Variants in PARP11 observed in about 807,000 individuals in gnomAD.
PARP11 encodes the protein protein mono-ADP-ribosyltransferase PARP11.
In PARP11, 31 loss-of-function variants were observed where a neutral mutation model predicts 42.9. That is an observed-to-expected ratio of 0.72 (90% CI 0.54 to 0.98). The LOEUF (loss-of-function observed/expected upper bound fraction) is 0.98. PARP11 is among the 50% of genes least tolerant of loss of function. The pLI, the probability that PARP11 is intolerant of heterozygous loss-of-function variation, is 0.00. For missense variants in PARP11, 365 were observed against 413.1 expected, an observed-to-expected ratio of 0.88 and a Z score of 1.01; for synonymous variants, 137 against 127.3, an observed-to-expected ratio of 1.08 and a Z score of -0.51.
chr12:3,857,957 G>A (rs1254905049), intron 1 of PARP11, among the ~76,000 whole-genome samples: 1 of 152,196 alleles, frequency 6.6e-6, no homozygotes, highest in Non-Finnish European at 1.5e-5. Context: ...TAAGGGTGTA[G>A]AAAGTTTTCA....
chr12:3,824,956 C>T (rs1278963160), intron 4 of PARP11, among the ~76,000 whole-genome samples: 8 of 152,086 alleles, frequency 5.3e-5, no homozygotes, highest in African/African-American at 1.9e-4. Context: ...ACTTTTATAT[C>T]GTGATGCTAA....
At chr12:3,836,676 C>A (rs1025874558) in intron 1 of PARP11, among the ~76,000 whole-genome samples, 53 of 152,284 alleles carry the variant, frequency 3.5e-4, no homozygotes, top group African/African-American at 1.3e-3. Flanking sequence ...TTGCTCCCTG[C>A]CCCCACAGAA....
intron 1 of PARP11, among the ~76,000 whole-genome samples, chr12:3,834,634 C>CAA (rs567817866): frequency 0.038 from 2,611 of 69,274 alleles, 80 homozygotes; most frequent in East Asian, 0.2. Context: ...CACTCCATCT[C>CAA]AAAAAAAAAA....
rs116883954 is a variant in PARP11 at position 3,850,808 on chromosome 12, A to G, written c.19-20790T>C. Reference sequence around the variant, plus strand: ...GTTATAGCAACTGGACAGCAATGTTAAGTCTGAAATATCTTACAGAAGAGT... The same window carrying G: ...GTTATAGCAACTGGACAGCAATGTTGAGTCTGAAATATCTTACAGAAGAGT... On this transcript the variant is annotated intron_variant, in intron 1 of 7. Transcript: ENST00000228820. Among the ~76,000 whole-genome samples, 690 of 152,356 alleles carry G rather than the reference A, an allele frequency of 4.5e-3. 4 individuals are homozygous for G. The highest frequency in any genetic ancestry group is 7.6e-3 in the Admixed American group (116 of 15,302).
At position 3,809,922 on chromosome 12, in the gene PARP11, G is replaced by A. The variant is rs1355480091; in HGVS notation, c.*2201C>T. The A allele has an allele frequency of 6.6e-6, 1 of 152,166 alleles. No homozygotes were observed. The highest frequency in any genetic ancestry group is 1.5e-5 in the Non-Finnish European group (1 of 68,038). 9.4% of individuals were successfully genotyped at this position (152,166 alleles called of 1,614,324 possible). On this transcript the variant is annotated 3_prime_UTR_variant, in exon 8 of 8. Transcript: ENST00000228820. ...CAGCTGGGGTGCATACCTGAGCCAG[G>A]AAATCTTTGTTGCCACTTTGTTTCA...
intron 1 of PARP11, among the ~76,000 whole-genome samples, chr12:3,835,658 T>C (rs7313046): frequency 0.18 from 27,919 of 152,038 alleles, 3,332 homozygotes; most frequent in East Asian, 0.51. Context: ...ATGATGACAA[T>C]GTCTCATCAA....
chr12:3,847,159 G>GT (rs1319284418), intron 1 of PARP11, among the ~76,000 whole-genome samples: 1 of 152,094 alleles, frequency 6.6e-6, no homozygotes, highest in African/African-American at 2.4e-5. Context: ...CCAACAATAA[G>GT]TAACAAGATT....
rs186370009 is a variant in PARP11, at chr12:3,840,419, C to T, written c.19-10401G>A. On this transcript the variant is annotated intron_variant, in intron 1 of 7. Transcript: ENST00000228820. The surrounding 1 kb of genome is among the most constrained non-coding windows in gnomAD (Gnocchi z 4.4). ...AATCCAAGCAAGCCAATAAAAGCCC[C>T]ATTAGCACTACCTCCTCGACTGCAG... 113 of 1,613,216 alleles carry T rather than the reference C, an allele frequency of 7.0e-5. 1 individual carries two copies. In the African/African-American group the frequency reaches 1.4e-3, roughly 19 times the overall value.
rs1164035245 is a variant in PARP11 at position 3,840,608 on chromosome 12, C to CT, written c.19-10591dup. 1.3e-5 allele frequency: 17 copies of CT among 1,304,672 alleles called. No homozygotes were observed. The African/African-American group carries it at 1.9e-4, about 15-fold the overall frequency. The allele number at this position is 1,304,672 out of a possible 1,614,324, so 80.8% of individuals were successfully genotyped here. On this transcript the variant is annotated intron_variant, in intron 1 of 7. Coordinates refer to ENST00000228820, the MANE Select transcript of PARP11 (RefSeq NM_020367.6). The surrounding 1 kb of genome is among the most constrained non-coding windows in gnomAD (Gnocchi z 4.4). ...GATTCTGATCACACAAGTCGAGAAT[C>CT]TAACTATTGCTACTTCTCAGAGTAG...
chr12:3,859,804 C>CA (rs751025190), intron 1 of PARP11, among the ~76,000 whole-genome samples: 8 of 152,042 alleles, frequency 5.3e-5, no homozygotes, highest in Non-Finnish European at 8.8e-5. Context: ...AGTGGCTATA[C>CA]TAATGCCAGG....
chr12:3,816,411 C>T (rs2138012466), intron 6 of PARP11, among the ~76,000 whole-genome samples: 1 of 152,288 alleles, frequency 6.6e-6, no homozygotes, highest in African/African-American at 2.4e-5. Context: ...TTTCGAGTTA[C>T]TCTTTGCGTA....
Position 3,822,021 on chromosome 12 carries a change from C to T in PARP11, c.418-18G>A. ...GGAATAAGCTGGAAAAATAAATTTG[C>T]ATAGATTTACTGCAGTCATTTCCGG... On this transcript the variant is annotated intron_variant, in intron 5 of 7. Coordinates refer to ENST00000228820, the MANE Select transcript of PARP11 (RefSeq NM_020367.6). The T allele has an allele frequency of 6.2e-7, 1 of 1,606,482 alleles. No homozygotes were observed. The highest frequency in any genetic ancestry group is 8.5e-7 in the Non-Finnish European group (1 of 1,177,208).
At position 3,810,242 on chromosome 12, in the gene PARP11, AG is replaced by A. The variant is rs1254922801; in HGVS notation, c.*1880del. ...AAATTCAGCATTAGAAGGAGTTAAGAGAAAAGCTTTCTGAAAAAGGCTTGGT... is the reference window on the plus strand; with the variant it reads ...AAATTCAGCATTAGAAGGAGTTAAGAAAAAGCTTTCTGAAAAAGGCTTGGT... On this transcript the variant is annotated 3_prime_UTR_variant, in exon 8 of 8. Transcript: ENST00000228820. The A allele has an allele frequency of 9.8e-5, 15 of 152,358 alleles. No individual in the cohort carries two copies. The East Asian group carries it at 2.9e-3, about 29-fold the overall frequency. The allele number at this position is 152,358 out of a possible 1,614,324, so 9.4% of individuals were successfully genotyped here.
intron 1 of PARP11, among the ~76,000 whole-genome samples, chr12:3,837,889 GAAGC>G (rs1016939709): frequency 2.6e-5 from 4 of 151,624 alleles, no homozygotes; most frequent in African/African-American, 9.7e-5. Flanking sequence ...TGGGGTCAAC[GAAGC>G]AAGTGGACAT....
intron 1 of PARP11, among the ~76,000 whole-genome samples, chr12:3,862,226 C>T (rs1376020471): frequency 1.3e-5 from 2 of 152,090 alleles, no homozygotes; most frequent in Non-Finnish European, 2.9e-5. Context: ...GAGTTTTAGA[C>T]TAGATCACTT....
At chr12:3,848,533 C>T (rs1948040375) in intron 1 of PARP11, among the ~76,000 whole-genome samples, 1 of 152,152 alleles carries the variant, frequency 6.6e-6, no homozygotes, top group Non-Finnish European at 1.5e-5. Context: ...TCAACAAAGT[C>T]ACCACGAACA....
intron 1 of PARP11, 124 bp downstream of exon 1, chr12:3,873,088 T>C: frequency 1.0e-6 from 1 of 955,148 alleles, no homozygotes; most frequent in South Asian, 1.4e-5. Context: ...GCCCGGGAAC[T>C]CCGGTCCCGG....
At chr12:3,829,122 G>A in intron 2 of PARP11, 92 bp from the exon 3 acceptor site, 1 of 1,366,782 alleles carries the variant, frequency 7.3e-7, no homozygotes, top group Non-Finnish European at 1.0e-6. Flanking sequence ...GACAGGGAAT[G>A]GAGGGGCGAG....
chr12:3,849,547 A>G (rs7300043), intron 1 of PARP11, among the ~76,000 whole-genome samples: 101,614 of 152,096 alleles, frequency 0.67, 35,291 homozygotes, highest in African/African-American at 0.85. Flanking sequence ...AAAATAAGCC[A>G]AGCACGGAAA....
Sources: gnomAD v4.1 joint callset for allele counts (sites outside exome capture counted in the v4.1 genomes callset) on GRCh38, gnomAD v4.1.1 for gene constraint, Gnocchi (gnomAD v3.1) non-coding constraint, MANE v1.5 for transcripts, NCBI Gene and HGNC (gene_info 2026-07-23, HGNC 2026-07-21) for gene names.